Variants in MBOAT2 observed in about 807,000 individuals in gnomAD.
The protein encoded by MBOAT2 is membrane-bound glycerophospholipid O-acyltransferase 2.
In MBOAT2, 28 loss-of-function variants were observed where a neutral mutation model predicts 63.4. The ratio of observed to expected loss-of-function variants is 0.44; its 90% CI spans 0.33 to 0.61. MBOAT2 has a LOEUF of 0.61. MBOAT2 is among the 20% of genes least tolerant of loss of function. The pLI is 0.03. For missense variants in MBOAT2, 470 were observed against 605.8 expected (o/e 0.78, Z 2.35); for synonymous variants, 211 against 215.6 (o/e 0.98, Z 0.19).
At chr2:8,972,651 A>T (rs1470988463) in intron 1 of MBOAT2, among the ~76,000 whole-genome samples, 3 of 152,272 alleles carry the variant, frequency 2.0e-5, no homozygotes, top group Admixed American at 6.5e-5. Flanking sequence ...GAATCTACAA[A>T]GAACTCAAAC....
intron 2 of MBOAT2, among the ~76,000 whole-genome samples, chr2:8,947,197 G>GCC (rs914169242): frequency 6.6e-6 from 1 of 152,242 alleles, no homozygotes; most frequent in Non-Finnish European, 1.5e-5. Flanking sequence ...TTAAGCCAAA[G>GCC]CCTAGTCCAG....
At chr2:8,903,408 A>G (rs1157824550) in intron 4 of MBOAT2, among the ~76,000 whole-genome samples, 1 of 152,218 alleles carries the variant, frequency 6.6e-6, no homozygotes, top group Non-Finnish European at 1.5e-5. Flanking sequence ...ACATTTACCA[A>G]GCCTCTGATA....
chr2:8,912,377 A>AAGAAAGAAAG (rs1665835979), intron 3 of MBOAT2, among the ~76,000 whole-genome samples: 5 of 64,524 alleles, frequency 7.7e-5, no homozygotes, highest in African/African-American at 2.1e-4. Context: ...AAGAAAGAGA[A>AAGAAAGAAAG]AGAAAGAAAG....
chr2:8,915,218 C>T (rs968818096), intron 3 of MBOAT2, among the ~76,000 whole-genome samples: 6 of 152,162 alleles, frequency 3.9e-5, no homozygotes, highest in African/African-American at 1.2e-4. Context: ...GAATTACAAG[C>T]ATGAGCCACC....
intron 9 of MBOAT2, among the ~76,000 whole-genome samples, chr2:8,866,203 A>G (rs1174709059): frequency 1.3e-5 from 2 of 152,158 alleles, no homozygotes. Flanking sequence ...AGCAGGGGTG[A>G]TATCGCCCCC....
intron 1 of MBOAT2, among the ~76,000 whole-genome samples, chr2:8,979,723 C>A (rs962213848): frequency 6.6e-6 from 1 of 152,200 alleles, no homozygotes; most frequent in Middle Eastern, 3.4e-3. Flanking sequence ...CTAAATCACA[C>A]GTTTTTGACT....
intron 5 of MBOAT2, 122 bp from the exon 6 acceptor site, chr2:8,882,687 A>G (rs1012765607): frequency 1.2e-6 from 1 of 843,516 alleles, no homozygotes; most frequent in Non-Finnish European, 2.0e-6. Context: ...TAATTTTGAT[A>G]TAATGACTGT....
In MBOAT2 at chr2:8,925,529, A is replaced by G. The variant is rs546269569; in HGVS notation, c.300-16813T>C. The stretch of plus-strand genomic sequence containing the variant: ...GATGAGCTGTCATAGCCTCTTAGAA[A>G]TGAGGCCCTAGAAGAAAAGGTACAC... On this transcript the variant is annotated intron_variant, in intron 3 of 12. Coordinates refer to ENST00000305997, the MANE Select transcript of MBOAT2 (RefSeq NM_138799.4). Among the ~76,000 whole-genome samples, 4 of 152,320 alleles carry G rather than the reference A, an allele frequency of 2.6e-5. No individual in the cohort carries two copies. The South Asian group carries it at 8.3e-4, about 32-fold the overall frequency.
intron 1 of MBOAT2, among the ~76,000 whole-genome samples, chr2:8,963,004 AG>A (rs1669720835): frequency 6.6e-6 from 1 of 152,126 alleles, no homozygotes; most frequent in Non-Finnish European, 1.5e-5. Flanking sequence ...ACACTTTGGG[AG>A]GCCAAGACAG....
rs572108251 is a variant in MBOAT2, at chr2:8,923,268, G to A, written c.300-14552C>T. 2.6e-5 allele frequency among the ~76,000 whole-genome samples: 4 copies of A among 152,190 alleles called. No individual in the cohort carries two copies. In the South Asian group the frequency reaches 8.3e-4, roughly 32 times the overall value. On this transcript the variant is annotated intron_variant, in intron 3 of 12. Transcript: ENST00000305997. ...ACTGTTTCAGAGTCATGTAACCAGGGGTTGCAAGATTTATAACTTTCTCAA... is the reference window on the plus strand; with the variant it reads ...ACTGTTTCAGAGTCATGTAACCAGGAGTTGCAAGATTTATAACTTTCTCAA...
chr2:8,858,809 A>C lies in MBOAT2; in HGVS notation c.1433T>G (p.Ile478Ser). 1 of 1,614,066 alleles carries C rather than the reference A, an allele frequency of 6.2e-7. No homozygotes were observed. The highest frequency in any genetic ancestry group is 1.1e-5 in the South Asian group (1 of 91,078). ...AAACTTTTTGGATTGTGAGAGCTGA[A>C]TGTTTTCATGTGTATTCTTTCTTCT... ...TQRRKNTHEN[I>S]QLSQSKKFDE... The change falls in exon 13 of 13, where the codon ATT (isoleucine) becomes AGT (serine). Residue 478 changes from isoleucine (I) to serine (S), a missense_variant. Physicochemically the swap from Ile to Ser is moderately radical, Grantham distance 142. Coordinates refer to ENST00000305997, the MANE Select transcript of MBOAT2 (RefSeq NM_138799.4).
At chr2:8,895,136 G>A (rs1188858692) in intron 4 of MBOAT2, among the ~76,000 whole-genome samples, 1 of 152,222 alleles carries the variant, frequency 6.6e-6, no homozygotes, top group Non-Finnish European at 1.5e-5. Flanking sequence ...TCCACAGCGT[G>A]GAAACGGACC....
intron 4 of MBOAT2, among the ~76,000 whole-genome samples, chr2:8,906,674 T>C (rs1178360948): frequency 6.6e-6 from 1 of 152,218 alleles, no homozygotes; most frequent in Non-Finnish European, 1.5e-5. Context: ...GCCAAGAATT[T>C]GGAATAGCTG....
intron 2 of MBOAT2, among the ~76,000 whole-genome samples, chr2:8,950,833 G>A (rs1032352100): frequency 3.3e-5 from 5 of 151,930 alleles, no homozygotes; most frequent in Non-Finnish European, 7.4e-5. Flanking sequence ...TTTCCTAAGA[G>A]TTTTTTTTAT....
At chr2:8,868,638 T>G in intron 8 of MBOAT2, 89 bp from the exon 9 acceptor site, 1 of 1,047,134 alleles carries the variant, frequency 9.5e-7, no homozygotes, top group Non-Finnish European at 1.4e-6. Context: ...TTATATCTTT[T>G]ATTCTTAAAC....
rs1342495500 is a variant in MBOAT2 at position 8,862,459 on chromosome 2, C to T, written c.1185+131G>A. The T allele has an allele frequency of 1.7e-5, 22 of 1,332,158 alleles. No individual in the cohort carries two copies. The highest frequency in any genetic ancestry group is 2.1e-5 in the Non-Finnish European group (20 of 971,290). 82.5% of individuals were successfully genotyped at this position (1,332,158 alleles called of 1,614,324 possible). ...GCAAACATGCACGCAGTACACACCTCGCTTCTAGTGGAAAGGACAATACTG... is the reference window on the plus strand; with the variant it reads ...GCAAACATGCACGCAGTACACACCTTGCTTCTAGTGGAAAGGACAATACTG... On this transcript the variant is annotated intron_variant, in intron 11 of 12. Transcript: ENST00000305997. This position sits in a 1 kb window ranked among gnomAD's most constrained non-coding sequence, Gnocchi z 4.3.
At chr2:8,926,828 G>C (rs1405832313) in intron 3 of MBOAT2, among the ~76,000 whole-genome samples, 1 of 152,198 alleles carries the variant, frequency 6.6e-6, no homozygotes, top group Non-Finnish European at 1.5e-5. Flanking sequence ...AGCAGAAATG[G>C]GTAGAGCTGA....
rs1572907431 is a variant in MBOAT2 at position 8,862,523 on chromosome 2, A to T, written c.1185+67T>A. ...AAAGAGGGTCTACCTTGTAAGAGAG[A>T]TGTACTCAGCCTTTTTAACAGTTCA... On this transcript the variant is annotated intron_variant, in intron 11 of 12. Coordinates refer to ENST00000305997, the MANE Select transcript of MBOAT2 (RefSeq NM_138799.4). The surrounding 1 kb of genome is among the most constrained non-coding windows in gnomAD (Gnocchi z 4.3). 6.5e-7 allele frequency: 1 copy of T among 1,536,498 alleles called. No homozygotes were observed. The highest frequency in any genetic ancestry group is 2.3e-5 in the East Asian group (1 of 44,440).
chr2:8,882,836 T>C (rs1663241475), intron 5 of MBOAT2, among the ~76,000 whole-genome samples: 1 of 152,194 alleles, frequency 6.6e-6, no homozygotes, highest in Non-Finnish European at 1.5e-5. Context: ...AAAATTATAA[T>C]GTTATTATCC....
Sources: gnomAD v4.1 joint callset for allele counts (sites outside exome capture counted in the v4.1 genomes callset) on GRCh38, gnomAD v4.1.1 for gene constraint, Gnocchi (gnomAD v3.1) non-coding constraint, MANE v1.5 for transcripts, NCBI Gene and HGNC (gene_info 2026-07-23, HGNC 2026-07-21) for gene names.